The following MAGI1 variants were observed in gnomAD, a reference collection of about 807,000 sequenced individuals.
MAGI1 encodes the protein membrane-associated guanylate kinase, WW and PDZ domain-containing protein 1.
In MAGI1, 58 loss-of-function variants were observed where a neutral mutation model predicts 139.9. The ratio of observed to expected loss-of-function variants is 0.41; its 90% CI spans 0.34 to 0.52. The LOEUF (loss-of-function observed/expected upper bound fraction) is 0.52. Ranked by LOEUF, MAGI1 falls within the 20% of genes least tolerant of loss-of-function variation. The pLI is 0.12. For missense variants in MAGI1, 1,874 were observed against 1,901.6 expected (o/e 0.99, Z 0.27); for synonymous variants, 812 against 737.9 (o/e 1.10, Z -1.63).
chr3:65,899,731 A>G (rs1017115260), intron 1 of MAGI1, among the ~76,000 whole-genome samples: 1 of 152,220 alleles, frequency 6.6e-6, no homozygotes, highest in East Asian at 1.9e-4. Flanking sequence ...CCCCAAAGAT[A>G]TATCTAATAC....
intron 1 of MAGI1, among the ~76,000 whole-genome samples, chr3:65,990,058 C>CTGATGATGA (rs1374739380): frequency 3.3e-5 from 5 of 151,876 alleles, no homozygotes; most frequent in Non-Finnish European, 5.9e-5. Flanking sequence ...GTCTAGAGAT[C>CTGATGATGA]TGATGATGAT....
intron 1 of MAGI1, among the ~76,000 whole-genome samples, chr3:65,998,774 G>C (rs867150040): frequency 1.3e-5 from 2 of 151,818 alleles, no homozygotes; most frequent in South Asian, 2.1e-4. Context: ...ATTTTTACAG[G>C]GTACTATTCC....
chr3:65,948,844 G>A (rs1213215185), intron 1 of MAGI1, among the ~76,000 whole-genome samples: 1 of 152,160 alleles, frequency 6.6e-6, no homozygotes, highest in Admixed American at 6.5e-5. Flanking sequence ...ATTCTACAGG[G>A]CACGAAGACG....
intron 1 of MAGI1, among the ~76,000 whole-genome samples, chr3:65,632,968 G>A (rs1016275209): frequency 4.6e-5 from 7 of 152,148 alleles, no homozygotes; most frequent in African/African-American, 1.7e-4. Context: ...GGCAGCAGCA[G>A]CAATACCCAG....
intron 1 of MAGI1, among the ~76,000 whole-genome samples, chr3:65,819,288 A>AAAAC (rs1235488735): frequency 6.6e-6 from 1 of 151,942 alleles, no homozygotes. Flanking sequence ...TCCATCTCAA[A>AAAAC]AAACAAACAA....
chr3:66,009,488 C>T (rs968811560), intron 1 of MAGI1, among the ~76,000 whole-genome samples: 3 of 151,788 alleles, frequency 2.0e-5, no homozygotes, highest in Admixed American at 6.6e-5. Flanking sequence ...CCAGCCTGGG[C>T]GACAAGAGTA....
At chr3:65,644,424 A>AAAAAC (rs2085148802) in intron 1 of MAGI1, among the ~76,000 whole-genome samples, 1 of 151,476 alleles carries the variant, frequency 6.6e-6, no homozygotes, top group South Asian at 2.1e-4. Context: ...CCCAAAAAAA[A>AAAAAC]AAAAAAAAAC....
intron 3 of MAGI1, among the ~76,000 whole-genome samples, chr3:65,482,495 C>G (rs1951353178): frequency 6.6e-6 from 1 of 152,214 alleles, no homozygotes; most frequent in Admixed American, 6.5e-5. Context: ...AACACTCAGT[C>G]TCTCTAGTAC....
At chr3:65,510,450 A>G (rs1302834948) in intron 2 of MAGI1, among the ~76,000 whole-genome samples, 3 of 148,384 alleles carry the variant, frequency 2.0e-5, no homozygotes, top group African/African-American at 7.5e-5. Context: ...AATACAGAGA[A>G]GTGCTTAAAG....
intron 2 of MAGI1, among the ~76,000 whole-genome samples, chr3:65,512,976 T>A (rs1304935960): frequency 1.5e-5 from 2 of 129,072 alleles, no homozygotes; most frequent in East Asian, 2.4e-4. Context: ...GTGGGCTTCA[T>A]CCCTGGGATG....
At chr3:65,654,590 C>G (rs1417782191) in intron 1 of MAGI1, among the ~76,000 whole-genome samples, 1 of 152,068 alleles carries the variant, frequency 6.6e-6, no homozygotes, top group Non-Finnish European at 1.5e-5. Context: ...ACCATTGAGT[C>G]TCTTTCTGTG....
At chr3:65,417,063 G>GAAAATGCTCAGAACTGA (rs1468452298) in intron 12 of MAGI1, among the ~76,000 whole-genome samples, 3 of 152,114 alleles carry the variant, frequency 2.0e-5, no homozygotes, top group Non-Finnish European at 4.4e-5. Context: ...TAACGGTTTC[G>GAAAATGCTCAGAACTGA]AAAATGCTCA....
intron 2 of MAGI1, among the ~76,000 whole-genome samples, chr3:65,512,142 A>C (rs1183624394): frequency 1.2e-5 from 1 of 82,188 alleles, no homozygotes; most frequent in Non-Finnish European, 2.6e-5. Flanking sequence ...AATCTCTGGG[A>C]CGCATTCAAA....
rs555186167 is a variant in MAGI1 at position 65,364,165 on chromosome 3, TAAAAAA to T, written c.3351+494_3351+499del. On this transcript the variant is annotated intron_variant, in intron 20 of 22. Transcript: ENST00000402939. ...GCAGCACAGTGAGACCCCTGTCTCT[TAAAAAA>T]AAAAAAAAAAAAAAAAAAAAAGGAA... 6.7e-5 allele frequency among the ~76,000 whole-genome samples: 6 copies of T among 89,444 alleles called. No homozygotes were observed. The East Asian group carries it at 1.4e-3, about 21-fold the overall frequency. 58.7% of individuals were successfully genotyped at this position (89,444 alleles called of 152,430 possible).
At chr3:65,756,235 TA>T (rs2036553124) in intron 1 of MAGI1, among the ~76,000 whole-genome samples, 1 of 152,192 alleles carries the variant, frequency 6.6e-6, no homozygotes, top group African/African-American at 2.4e-5. Context: ...AGTTAGAGAC[TA>T]AACTCTTCTA....
At chr3:65,625,572 G>A (rs1408964638) in intron 1 of MAGI1, among the ~76,000 whole-genome samples, 1 of 152,082 alleles carries the variant, frequency 6.6e-6, no homozygotes, top group Non-Finnish European at 1.5e-5. Context: ...ATTGTTGTGA[G>A]GATTAAATGG....
chr3:65,462,701 C>A (rs1426974358), intron 5 of MAGI1, among the ~76,000 whole-genome samples: 1 of 152,144 alleles, frequency 6.6e-6, no homozygotes, highest in East Asian at 1.9e-4. Context: ...CTATAAATTA[C>A]TTTGGGCAGT....
At chr3:65,603,496 T>G (rs2082577002) in intron 2 of MAGI1, among the ~76,000 whole-genome samples, 1 of 152,336 alleles carries the variant, frequency 6.6e-6, no homozygotes, top group African/African-American at 2.4e-5. Flanking sequence ...GAAACATGCA[T>G]TAAATTTTCT....
At chr3:65,753,073 A>G (rs2036280191) in intron 1 of MAGI1, among the ~76,000 whole-genome samples, 1 of 152,136 alleles carries the variant, frequency 6.6e-6, no homozygotes, top group Admixed American at 6.5e-5. Context: ...TTCCTCAACA[A>G]TGTCTAAAAG....
Sources: allele counts gnomAD v4.1 joint callset (sites outside exome capture counted in the v4.1 genomes callset), GRCh38; gene constraint gnomAD v4.1.1; transcripts MANE v1.5; gene names NCBI Gene and HGNC (gene_info 2026-07-23, HGNC 2026-07-21).